ELN: variants seen among roughly 807,000 people sequenced by gnomAD.
ELN encodes the protein tropoelastin.
Under a neutral mutation model 105.8 loss-of-function variants are expected in ELN, and 65 were observed. That is an observed-to-expected ratio of 0.61 (90% confidence interval 0.50 to 0.75). The LOEUF (loss-of-function observed/expected upper bound fraction) is 0.75. Ranked by LOEUF, ELN falls within the 30% of genes least tolerant of loss-of-function variation. The probability of loss-of-function intolerance (pLI) is 0.00; values close to 1 mark genes in which losing one functional copy is unlikely to be tolerated. For missense variants in ELN, 882 were observed against 969.4 expected (o/e 0.91, Z 1.20); for synonymous variants, 368 against 389.2 (o/e 0.95, Z 0.64).
At chr7:74,028,390 A>G in intron 1 of ELN, 121 bp downstream of exon 1, 1 of 1,176,708 alleles carries the variant, frequency 8.5e-7, no homozygotes, top group Non-Finnish European at 1.2e-6. Context: ...CCCAGGTGGG[A>G]GCCCCTCAGC....
Position 74,063,762 on chromosome 7 carries a change from G to C in ELN, c.1993+67G>C. The C allele has an allele frequency of 6.2e-7, 1 of 1,603,780 alleles. No individual in the cohort carries two copies. The highest frequency in any genetic ancestry group is 8.5e-7 in the Non-Finnish European group (1 of 1,171,012). On this transcript the variant is annotated intron_variant, in intron 29 of 32. Coordinates refer to ENST00000252034, the MANE Select transcript of ELN (RefSeq NM_000501.4). The surrounding 1 kb of genome is among the most constrained non-coding windows in gnomAD (Gnocchi z 4.1). ...TATGCGAGACAGAGATGGAGACAGA[G>C]ACAGAGACAGAGACTTTCGTTCCCA... is the stretch of plus-strand genomic sequence containing the variant.
In ELN at chr7:74,063,529, G is replaced by A; in HGVS notation, c.1919-92G>A. The A allele has an allele frequency of 6.2e-7, 1 of 1,611,388 alleles. No homozygotes were observed. The highest frequency in any genetic ancestry group is 8.5e-7 in the Non-Finnish European group (1 of 1,178,778). ...CCAGGGGAGACCTCAGGCTCCACCT[G>A]TGTCCCCAGAGGACACCTCCGCCCT... On this transcript the variant is annotated intron_variant, in intron 28 of 32. Transcript: ENST00000252034. This position sits in a 1 kb window ranked among gnomAD's most constrained non-coding sequence, Gnocchi z 4.1.
At chr7:74,055,189 C>A (rs1364582283) in intron 19 of ELN, among the ~76,000 whole-genome samples, 2 of 152,212 alleles carry the variant, frequency 1.3e-5, no homozygotes, top group Non-Finnish European at 2.9e-5. Context: ...CCTGTAATCC[C>A]AGCAATTTGG....
intron 15 of ELN, among the ~76,000 whole-genome samples, chr7:74,050,413 C>T (rs1793768601): frequency 1.3e-5 from 2 of 151,848 alleles, no homozygotes; most frequent in South Asian, 4.2e-4. Flanking sequence ...ATCCATCCAT[C>T]CATCCATCAA....
At chr7:74,042,884 C>T (rs1023453718) in intron 6 of ELN, 100 bp from the exon 7 acceptor site, 13 of 1,597,876 alleles carry the variant, frequency 8.1e-6, no homozygotes, top group South Asian at 3.3e-5. Context: ...GAGTTAGTAA[C>T]GGGGCCAGAC....
chr7:74,048,638 A>G (rs1793139502), intron 15 of ELN, 82 bp downstream of exon 15: 2 of 1,566,638 alleles, frequency 1.3e-6, no homozygotes, highest in Admixed American at 3.6e-5. Context: ...GCCTGCCTCC[A>G]AAGTGGCCCC....
chr7:74,037,927 T>C (rs1790366115), intron 4 of ELN, 188 bp downstream of exon 4: 1 of 780,772 alleles, frequency 1.3e-6, no homozygotes. Context: ...GTCCCAGGGC[T>C]TCCAGGAACA....
chr7:74,054,427 G>A (rs895893041), intron 18 of ELN, among the ~76,000 whole-genome samples: 5 of 150,708 alleles, frequency 3.3e-5, no homozygotes, highest in Admixed American at 2.0e-4. Context: ...CTGAGATCGC[G>A]CTATTGCACT....
chr7:74,056,027 T>C (rs1400078770), intron 19 of ELN, among the ~76,000 whole-genome samples: 1 of 151,204 alleles, frequency 6.6e-6, no homozygotes, highest in Non-Finnish European at 1.5e-5. Flanking sequence ...CCTCAGGTGA[T>C]CCACCTGCCT....
intron 19 of ELN, among the ~76,000 whole-genome samples, 167 bp from the exon 20 acceptor site, chr7:74,056,104 G>C (rs973942438): frequency 3.3e-5 from 5 of 152,084 alleles, no homozygotes; most frequent in African/African-American, 9.7e-5. Context: ...TTTTTTAAAG[G>C]CTTCATGGTG....
intron 15 of ELN, among the ~76,000 whole-genome samples, chr7:74,050,473 C>T (rs1793787921): frequency 6.6e-6 from 1 of 151,844 alleles, no homozygotes; most frequent in Non-Finnish European, 1.5e-5. Context: ...ATCCATCCAT[C>T]CATCTGCCCA....
At chr7:74,061,214 A>G in intron 26 of ELN, 75 bp downstream of exon 26, 1 of 1,598,920 alleles carries the variant, frequency 6.3e-7, no homozygotes, top group Non-Finnish European at 8.6e-7. Flanking sequence ...TGGGGTGGTC[A>G]CAATAGAAAA....
intron 17 of ELN, 23 bp from the exon 18 acceptor site, chr7:74,053,140 G>C (rs367626110): frequency 1.5e-5 from 25 of 1,613,998 alleles, no homozygotes; most frequent in Non-Finnish European, 2.1e-5. Flanking sequence ...TAGGTTAGGG[G>C]AACAATGCTT....
At chr7:74,056,773 A>G (rs1488689174) in intron 21 of ELN, 60 bp downstream of exon 21, 2 of 1,610,292 alleles carry the variant, frequency 1.2e-6, no homozygotes, top group East Asian at 2.2e-5. Context: ...TCAGGGTCCA[A>G]CCTCAGGGCA....
At chr7:74,052,027 C>G in intron 17 of ELN, 44 bp downstream of exon 17, 1 of 1,609,568 alleles carries the variant, frequency 6.2e-7, no homozygotes, top group Non-Finnish European at 8.5e-7. Context: ...CGGGCCCCTG[C>G]ATAGACCTCG....
At chr7:74,041,004 C>T (rs1192004492) in intron 4 of ELN, among the ~76,000 whole-genome samples, 3 of 152,164 alleles carry the variant, frequency 2.0e-5, no homozygotes, top group Admixed American at 6.5e-5. Flanking sequence ...TGTTAGGGAT[C>T]GGTGCAATGA....
chr7:74,042,956 C>T (rs781810782), intron 6 of ELN, 28 bp from the exon 7 acceptor site: 5 of 1,613,960 alleles, frequency 3.1e-6, no homozygotes, highest in African/African-American at 1.3e-5. Context: ...GTTCCTTACG[C>T]AATGCCTCAC....
chr7:74,058,948 G>A (rs1318214908), intron 22 of ELN, among the ~76,000 whole-genome samples: 2 of 152,010 alleles, frequency 1.3e-5, no homozygotes, highest in African/African-American at 4.8e-5. Context: ...TTTGAGACGG[G>A]GTCTCACATT....
chr7:74,039,402 C>A lies in ELN; in HGVS notation c.196+1663C>A, dbSNP rs974685562. On this transcript the variant is annotated intron_variant, in intron 4 of 32. Transcript: ENST00000252034. The stretch of plus-strand genomic sequence containing the variant: ...CAGGGCTACAGAAGGGTCGGCAGAG[C>A]CCCCATGGCACCCCCAGGGAGGCCC... Among the ~76,000 whole-genome samples, 4 of 152,186 alleles carry A rather than the reference C, an allele frequency of 2.6e-5. No homozygotes were observed. In the East Asian group the frequency reaches 7.7e-4, roughly 29 times the overall value.
Sources: gnomAD v4.1 joint callset for allele counts (sites outside exome capture counted in the v4.1 genomes callset) on GRCh38, gnomAD v4.1.1 for gene constraint, Gnocchi (gnomAD v3.1) non-coding constraint, MANE v1.5 for transcripts, NCBI Gene and HGNC (gene_info 2026-07-23, HGNC 2026-07-21) for gene names.